THSD7B: variants seen among roughly 807,000 people sequenced by gnomAD.
THSD7B encodes the protein thrombospondin type-1 domain-containing protein 7B.
A neutral mutation model predicts 213.6 loss-of-function variants in THSD7B; 138 were observed. The observed-to-expected ratio is 0.65, with a 90% CI of 0.56 to 0.74. The LOEUF is 0.74. Among genes scored for constraint, THSD7B ranks in the 30% least tolerant of loss-of-function variants. THSD7B has a pLI of 0.00. For synonymous variants in THSD7B, 742 were observed against 687.0 expected, an observed-to-expected ratio of 1.08 and a Z score of -1.25; for missense variants, 1,931 against 1,991.5, an observed-to-expected ratio of 0.97 and a Z score of 0.58.
chr2:137,346,369 A>G (rs914750925), intron 12 of THSD7B, among the ~76,000 whole-genome samples: 2 of 151,632 alleles, frequency 1.3e-5, no homozygotes, highest in Non-Finnish European at 3.0e-5. Context: ...TTCCCTTAGC[A>G]TGATGTCCGC....
intron 14 of THSD7B, among the ~76,000 whole-genome samples, chr2:137,440,843 G>GA (rs1445258121): frequency 1.3e-5 from 2 of 151,848 alleles, no homozygotes; most frequent in African/African-American, 4.8e-5. Context: ...GGGAGATAAA[G>GA]AAAAAAGAAG....
chr2:137,439,781 G>A (rs931765144), intron 14 of THSD7B, among the ~76,000 whole-genome samples: 3 of 152,066 alleles, frequency 2.0e-5, no homozygotes, highest in Non-Finnish European at 2.9e-5. Flanking sequence ...AAAACTTTTC[G>A]AGGTACATTT....
intron 2 of THSD7B, among the ~76,000 whole-genome samples, chr2:137,020,508 G>A (rs1048127425): frequency 6.6e-6 from 1 of 152,112 alleles, no homozygotes; most frequent in Admixed American, 6.6e-5. Context: ...GTGGGAACAC[G>A]CATGTACATA....
intron 2 of THSD7B, among the ~76,000 whole-genome samples, chr2:136,903,579 A>G (rs1684096674): frequency 6.6e-6 from 1 of 152,144 alleles, no homozygotes; most frequent in Admixed American, 6.5e-5. Flanking sequence ...CTTTTACCCT[A>G]CTTCACCCCA....
chr2:137,417,825 T>C (rs1220493619), intron 14 of THSD7B, among the ~76,000 whole-genome samples: 1 of 152,216 alleles, frequency 6.6e-6, no homozygotes, highest in Non-Finnish European at 1.5e-5. Context: ...ACAGTCTTCA[T>C]AAGTCCAGTT....
At chr2:137,099,435 G>A (rs890679200) in intron 4 of THSD7B, among the ~76,000 whole-genome samples, 2 of 152,196 alleles carry the variant, frequency 1.3e-5, no homozygotes, top group Admixed American at 6.5e-5. Flanking sequence ...TAGTGTAAAT[G>A]CTTCATGTCA....
chr2:137,556,282 C>A (rs181201801), intron 15 of THSD7B, among the ~76,000 whole-genome samples: 2 of 152,278 alleles, frequency 1.3e-5, no homozygotes, highest in Admixed American at 1.3e-4. Context: ...ATGTTAAGGG[C>A]AGACAGAGAG....
intron 15 of THSD7B, among the ~76,000 whole-genome samples, chr2:137,546,432 AT>A (rs1680726286): frequency 6.6e-5 from 2 of 30,330 alleles, no homozygotes. Flanking sequence ...TATTATATAT[AT>A]ATTATATATA....
intron 20 of THSD7B, among the ~76,000 whole-genome samples, chr2:137,635,300 A>C (rs1243171500): frequency 6.6e-6 from 1 of 152,164 alleles, no homozygotes; most frequent in Non-Finnish European, 1.5e-5. Context: ...TTATGATTGA[A>C]TTTAGTTCCC....
At chr2:137,254,735 C>T (rs1028616948) in intron 10 of THSD7B, among the ~76,000 whole-genome samples, 3 of 152,108 alleles carry the variant, frequency 2.0e-5, no homozygotes, top group Admixed American at 6.5e-5. Context: ...TGCAAAGTTG[C>T]TCAATATGTG....
intron 2 of THSD7B, among the ~76,000 whole-genome samples, chr2:137,043,360 C>A (rs1686915861): frequency 1.3e-5 from 2 of 152,128 alleles, no homozygotes. Context: ...TCTAGAGCTT[C>A]TGCACCATGC....
At chr2:137,267,228 T>C (rs893183587) in intron 10 of THSD7B, among the ~76,000 whole-genome samples, 16 of 152,226 alleles carry the variant, frequency 1.1e-4, no homozygotes, top group Non-Finnish European at 1.6e-4. Context: ...TTAGTGATGA[T>C]AAAATATGCA....
At chr2:136,850,530 A>G (rs1220158106) in intron 1 of THSD7B, among the ~76,000 whole-genome samples, 2 of 152,136 alleles carry the variant, frequency 1.3e-5, no homozygotes, top group South Asian at 2.1e-4. Flanking sequence ...AGCAGCTTGT[A>G]AGAGTTTCTT....
intron 2 of THSD7B, among the ~76,000 whole-genome samples, chr2:136,886,240 G>C (rs1265949083): frequency 6.6e-6 from 1 of 152,108 alleles, no homozygotes; most frequent in Non-Finnish European, 1.5e-5. Context: ...GAAAGACATG[G>C]GAGGGTTTTG....
intron 12 of THSD7B, among the ~76,000 whole-genome samples, chr2:137,404,458 TATATATATATATATATAC>T (rs1407572881): frequency 1.3e-3 from 144 of 108,414 alleles, no homozygotes; most frequent in African/African-American, 4.8e-3. Context: ...TATATATATA[TATATATATATATATATAC>T]ACACACACAC....
intron 15 of THSD7B, among the ~76,000 whole-genome samples, chr2:137,525,445 T>C (rs1306526375): frequency 6.6e-6 from 1 of 152,160 alleles, no homozygotes; most frequent in Non-Finnish European, 1.5e-5. Flanking sequence ...CAAACCCTTT[T>C]CCAAAAGCTA....
At chr2:136,902,993 T>A (rs561600173) in intron 2 of THSD7B, among the ~76,000 whole-genome samples, 3 of 152,320 alleles carry the variant, frequency 2.0e-5, no homozygotes, top group African/African-American at 7.2e-5. Flanking sequence ...TCCAGCTCTG[T>A]TCGTACTAGG....
intron 2 of THSD7B, among the ~76,000 whole-genome samples, chr2:137,048,370 G>A (rs1687006341): frequency 6.6e-6 from 1 of 152,056 alleles, no homozygotes; most frequent in Non-Finnish European, 1.5e-5. Context: ...AAAAAAATGA[G>A]ATGCACTAAA....
At chr2:137,356,683 C>G (rs1250731012) in intron 12 of THSD7B, among the ~76,000 whole-genome samples, 1 of 152,164 alleles carries the variant, frequency 6.6e-6, no homozygotes, top group African/African-American at 2.4e-5. Flanking sequence ...GCTGTCTCGA[C>G]TCCTCCAGTG....
Sources: allele counts gnomAD v4.1 joint callset (sites outside exome capture counted in the v4.1 genomes callset), GRCh38; gene constraint gnomAD v4.1.1; transcripts MANE v1.5; gene names NCBI Gene and HGNC (gene_info 2026-07-23, HGNC 2026-07-21).